Variants in CNTNAP5 observed in about 807,000 individuals in gnomAD.
CNTNAP5 encodes the protein contactin associated protein family member 5.
A neutral mutation model predicts 150.2 loss-of-function variants in CNTNAP5; 72 were observed. The ratio of observed to expected loss-of-function variants is 0.48; its 90% CI spans 0.40 to 0.58. The LOEUF is 0.58. Ranked by LOEUF, CNTNAP5 falls within the 20% of genes least tolerant of loss-of-function variation. The pLI is 0.00. For missense variants in CNTNAP5, 1,636 were observed against 1,626.2 expected, an observed-to-expected ratio of 1.01 and a Z score of -0.10; for synonymous variants, 672 against 619.8, an observed-to-expected ratio of 1.08 and a Z score of -1.25.
chr2:124,096,387 C>T (rs1307496988), intron 1 of CNTNAP5, among the ~76,000 whole-genome samples: 2 of 152,056 alleles, frequency 1.3e-5, no homozygotes, highest in African/African-American at 4.8e-5. Context: ...AGTTTTATTT[C>T]ATCACTCTCA....
intron 7 of CNTNAP5, among the ~76,000 whole-genome samples, chr2:124,488,051 CT>C (rs1409507356): frequency 6.6e-6 from 1 of 152,072 alleles, no homozygotes; most frequent in Admixed American, 6.6e-5. Context: ...TAATAAATAT[CT>C]TGTAAATCAC....
At chr2:124,642,258 C>A (rs1356609141) in intron 12 of CNTNAP5, among the ~76,000 whole-genome samples, 1 of 151,996 alleles carries the variant, frequency 6.6e-6, no homozygotes, top group African/African-American at 2.4e-5. Context: ...CTTTGTACAG[C>A]CTCTTTTTCT....
intron 9 of CNTNAP5, among the ~76,000 whole-genome samples, chr2:124,526,854 C>T (rs964389969): frequency 6.6e-6 from 1 of 152,106 alleles, no homozygotes; most frequent in African/African-American, 2.4e-5. Context: ...CCATCCTTAC[C>T]CAGAGCGTAA....
intron 12 of CNTNAP5, among the ~76,000 whole-genome samples, chr2:124,614,659 A>G (rs1403824611): frequency 6.6e-6 from 1 of 152,026 alleles, no homozygotes; most frequent in Non-Finnish European, 1.5e-5. Flanking sequence ...GGCTATTATT[A>G]TTAGTGTATA....
chr2:124,429,120 G>A (rs1000812783), intron 4 of CNTNAP5, among the ~76,000 whole-genome samples: 1 of 152,174 alleles, frequency 6.6e-6, no homozygotes, highest in East Asian at 1.9e-4. Flanking sequence ...GGAAAAAGCA[G>A]CATATAATAG....
At chr2:124,706,525 T>A (rs2105095828) in intron 13 of CNTNAP5, among the ~76,000 whole-genome samples, 1 of 152,052 alleles carries the variant, frequency 6.6e-6, no homozygotes, top group Admixed American at 6.5e-5. Flanking sequence ...GGCAGGTGAA[T>A]CACTTGAGGT....
intron 1 of CNTNAP5, among the ~76,000 whole-genome samples, chr2:124,176,416 G>A (rs1484298908): frequency 6.6e-6 from 1 of 152,154 alleles, no homozygotes; most frequent in Non-Finnish European, 1.5e-5. Context: ...CTTTACATCA[G>A]GAAGCACTCA....
intron 11 of CNTNAP5, among the ~76,000 whole-genome samples, chr2:124,609,118 T>C (rs1170591849): frequency 6.6e-6 from 1 of 152,150 alleles, no homozygotes; most frequent in African/African-American, 2.4e-5. Flanking sequence ...TTACAGGTTC[T>C]GTAACCCATT....
At chr2:124,415,065 A>C (rs1460256655) in intron 3 of CNTNAP5, among the ~76,000 whole-genome samples, 1 of 152,148 alleles carries the variant, frequency 6.6e-6, no homozygotes, top group Non-Finnish European at 1.5e-5. Flanking sequence ...ACTAAACTCC[A>C]CAGGGAGGCG....
chr2:124,753,383 T>C (rs544500770), intron 14 of CNTNAP5, among the ~76,000 whole-genome samples: 59 of 152,290 alleles, frequency 3.9e-4, no homozygotes, highest in African/African-American at 1.4e-3. Context: ...ATGATTTCTG[T>C]TAGACAGATT....
At chr2:124,288,657 C>T (rs1688212081) in intron 3 of CNTNAP5, among the ~76,000 whole-genome samples, 1 of 151,780 alleles carries the variant, frequency 6.6e-6, no homozygotes, top group African/African-American at 2.4e-5. Context: ...TAAATTAAAC[C>T]CTTGAAACCC....
At chr2:124,529,564 A>G (rs931062284) in intron 10 of CNTNAP5, among the ~76,000 whole-genome samples, 1 of 152,200 alleles carries the variant, frequency 6.6e-6, no homozygotes, top group Non-Finnish European at 1.5e-5. Flanking sequence ...TCTTAAACTC[A>G]TAATTAATGT....
intron 11 of CNTNAP5, among the ~76,000 whole-genome samples, chr2:124,569,787 G>C (rs1346191115): frequency 1.3e-5 from 2 of 152,156 alleles, no homozygotes; most frequent in Non-Finnish European, 2.9e-5. Context: ...TTCTTCTATG[G>C]AGAAGTCAAT....
chr2:124,805,040 TAATACTCCTCTTTGTATGA>T (rs948626935), intron 19 of CNTNAP5, among the ~76,000 whole-genome samples: 2 of 152,056 alleles, frequency 1.3e-5, no homozygotes, highest in African/African-American at 4.8e-5. Context: ...TCTTAAAAAT[TAATACTCCTCTTTGTATGA>T]AATACTCCTC....
At chr2:124,310,066 T>C (rs1412781060) in intron 3 of CNTNAP5, among the ~76,000 whole-genome samples, 1 of 152,094 alleles carries the variant, frequency 6.6e-6, no homozygotes, top group Non-Finnish European at 1.5e-5. Flanking sequence ...CCTTTTTTTT[T>C]TTTTTATGAG....
intron 3 of CNTNAP5, among the ~76,000 whole-genome samples, chr2:124,403,754 C>G (rs938453825): frequency 6.6e-6 from 1 of 152,126 alleles, no homozygotes; most frequent in Non-Finnish European, 1.5e-5. Context: ...TAAAGACATA[C>G]CCGAGACTGG....
chr2:124,256,761 A>G (rs1449743180), intron 3 of CNTNAP5, among the ~76,000 whole-genome samples: 1 of 152,156 alleles, frequency 6.6e-6, no homozygotes, highest in Non-Finnish European at 1.5e-5. Flanking sequence ...TAAGAGCTAT[A>G]AGATTAAACT....
rs1004417518 is a variant in CNTNAP5 at position 124,598,964 on chromosome 2, C to G, written c.1757-10837C>G. Among the ~76,000 whole-genome samples, 34 of 152,154 alleles carry G rather than the reference C, an allele frequency of 2.2e-4. 1 individual carries two copies. The highest frequency in any genetic ancestry group is 1.0e-3 in the Admixed American group (16 of 15,294). On this transcript the variant is annotated intron_variant, in intron 11 of 23. Coordinates refer to ENST00000682447, the MANE Select transcript of CNTNAP5 (RefSeq NM_001367498.1). ...GGAAAGGGAACTCCCTGACCCCTTG[C>G]GCTTCCCAGGTGAGGCAATGCCTCG...
At chr2:124,421,481 AGTT>A (rs1245565696) in intron 4 of CNTNAP5, among the ~76,000 whole-genome samples, 15 of 152,118 alleles carry the variant, frequency 9.9e-5, no homozygotes, top group African/African-American at 3.4e-4. Flanking sequence ...TAACTCTATC[AGTT>A]GCTTCCTCCA....
Sources: allele counts gnomAD v4.1 joint callset (sites outside exome capture counted in the v4.1 genomes callset), GRCh38; gene constraint gnomAD v4.1.1; transcripts MANE v1.5; gene names NCBI Gene and HGNC (gene_info 2026-07-23, HGNC 2026-07-21).